The following MGMT variants were observed in gnomAD, a reference collection of about 807,000 sequenced individuals.
MGMT encodes the protein methylated-DNA--protein-cysteine methyltransferase.
MGMT carries 14 observed loss-of-function variants against 15.9 expected under a neutral mutation model. The ratio of observed to expected loss-of-function variants is 0.88; its 90% CI spans 0.58 to 1.37. MGMT has a LOEUF of 1.37. Ranked by LOEUF, MGMT falls within the 40% of genes most tolerant of loss-of-function variation. MGMT has a pLI of 0.00. For synonymous variants in MGMT, 130 were observed against 118.2 expected (o/e 1.10, Z -0.65); for missense variants, 282 against 268.1 (o/e 1.05, Z -0.36).
intron 1 of MGMT, among the ~76,000 whole-genome samples, chr10:129,513,262 G>C (rs551401546): frequency 1.3e-5 from 2 of 152,254 alleles, no homozygotes; most frequent in Middle Eastern, 3.4e-3. Context: ...TGTTAAATGG[G>C]GACATAGCTT....
chr10:129,616,895 G>T (rs878995190), intron 2 of MGMT, among the ~76,000 whole-genome samples: 1 of 152,098 alleles, frequency 6.6e-6, no homozygotes, highest in African/African-American at 2.4e-5. Context: ...ATGGTCACTC[G>T]CTTGACGAGC....
At chr10:129,723,889 G>C (rs940482271) in intron 3 of MGMT, among the ~76,000 whole-genome samples, 1 of 152,200 alleles carries the variant, frequency 6.6e-6, no homozygotes, top group Admixed American at 6.5e-5. Context: ...GTGTCGCAGA[G>C]ACTGCCGCAG....
intron 2 of MGMT, among the ~76,000 whole-genome samples, chr10:129,642,155 C>T (rs762563047): frequency 3.9e-5 from 6 of 151,966 alleles, no homozygotes; most frequent in Non-Finnish European, 8.8e-5. Context: ...CAGAGTTGTG[C>T]GTTGAAAAGT....
chr10:129,738,770 T>C (rs1848595844), intron 3 of MGMT, among the ~76,000 whole-genome samples: 1 of 152,092 alleles, frequency 6.6e-6, no homozygotes, highest in Non-Finnish European at 1.5e-5. Context: ...TTCCAATGAA[T>C]AGAAAAAGAG....
intron 2 of MGMT, among the ~76,000 whole-genome samples, chr10:129,633,857 T>A (rs936597234): frequency 2.0e-5 from 3 of 152,242 alleles, no homozygotes; most frequent in Non-Finnish European, 4.4e-5. Flanking sequence ...TATATTAGTC[T>A]CTGTCTCAGT....
intron 1 of MGMT, among the ~76,000 whole-genome samples, chr10:129,525,872 CAGGGCT>C (rs1315271536): frequency 6.6e-6 from 1 of 152,150 alleles, no homozygotes; most frequent in African/African-American, 2.4e-5. Context: ...TCCCTTTTTC[CAGGGCT>C]CCCGTGTTAG....
rs988780429 is a variant in MGMT at position 129,622,809 on chromosome 10, T to G, written c.126-85086T>G. 4.6e-5 allele frequency among the ~76,000 whole-genome samples: 7 copies of G among 151,414 alleles called. 1 individual carries two copies. Among genetic ancestry groups the G allele is most frequent in the African/African-American group, 1.7e-4 (7 of 41,190 alleles). On this transcript the variant is annotated intron_variant, in intron 2 of 4. Coordinates refer to ENST00000651593, the MANE Select transcript of MGMT (RefSeq NM_002412.5). Reference sequence around the variant, plus strand: ...ATGGCCTGTAAAAAAAAAAAGAAAGTATTTAGAGTTAGTGAGTTGAGGGGC... The same window carrying G: ...ATGGCCTGTAAAAAAAAAAAGAAAGGATTTAGAGTTAGTGAGTTGAGGGGC...
intron 2 of MGMT, among the ~76,000 whole-genome samples, chr10:129,669,733 C>T (rs1847700674): frequency 6.6e-6 from 1 of 152,076 alleles, no homozygotes; most frequent in South Asian, 2.1e-4. Flanking sequence ...GAAATTATAT[C>T]CACTGTAAAT....
At chr10:129,506,234 T>C (rs982876670) in intron 1 of MGMT, among the ~76,000 whole-genome samples, 9 of 152,108 alleles carry the variant, frequency 5.9e-5, no homozygotes, top group African/African-American at 2.2e-4. Context: ...ATGTCGGTAC[T>C]GTCGTGGTTG....
Position 129,770,858 on chromosome 10 carries a change from C to T in MGMT, c.*3861C>T, listed in dbSNP as rs1848992289. 7.2e-6 allele frequency among the ~76,000 whole-genome samples: 1 copy of T among 138,226 alleles called. No individual in the cohort carries two copies. The highest frequency in any genetic ancestry group is 2.8e-5 in the African/African-American group (1 of 35,580). The allele number at this position is 138,226 out of a possible 152,430, so 90.7% of individuals were successfully genotyped here. A position where few individuals can be genotyped will look rare whatever the true frequency, so the allele number is the denominator to read the frequency against. On this transcript the variant is annotated 3_prime_UTR_variant, in exon 5 of 5. Coordinates refer to ENST00000651593, the MANE Select transcript of MGMT (RefSeq NM_002412.5). Reference sequence around the variant, plus strand: ...ATCGGGGCAGTGGAGTCCCCGGAAACAGTCCAAGGCCCTGGGGTGGGGGAT... The same window carrying T: ...ATCGGGGCAGTGGAGTCCCCGGAAATAGTCCAAGGCCCTGGGGTGGGGGAT...
chr10:129,484,289 G>A (rs1054363260), intron 1 of MGMT, among the ~76,000 whole-genome samples: 5 of 152,166 alleles, frequency 3.3e-5, no homozygotes, highest in Admixed American at 1.3e-4. Context: ...GTCTCCCTGA[G>A]CCCTGCTCAT....
intron 1 of MGMT, among the ~76,000 whole-genome samples, chr10:129,473,604 A>T (rs549491872): frequency 1.3e-5 from 2 of 152,342 alleles, no homozygotes; most frequent in East Asian, 1.9e-4. Context: ...TGGCTTTGCA[A>T]CGATGAGCCT....
At chr10:129,545,774 A>C (rs1414283023) in intron 2 of MGMT, among the ~76,000 whole-genome samples, 1 of 152,226 alleles carries the variant, frequency 6.6e-6, no homozygotes, top group Non-Finnish European at 1.5e-5. Flanking sequence ...AACTGGCTGC[A>C]ACTAATGAAT....
chr10:129,627,310 C>G (rs890734434), intron 2 of MGMT, among the ~76,000 whole-genome samples: 2 of 152,064 alleles, frequency 1.3e-5, no homozygotes, highest in Non-Finnish European at 2.9e-5. Flanking sequence ...AGCTGGGATT[C>G]CCCAGGGAGA....
At chr10:129,565,874 C>A (rs1846348744) in intron 2 of MGMT, among the ~76,000 whole-genome samples, 1 of 152,092 alleles carries the variant, frequency 6.6e-6, no homozygotes, top group African/African-American at 2.4e-5. Context: ...CCTGAGTTTC[C>A]AGAGGTCCTG....
intron 3 of MGMT, among the ~76,000 whole-genome samples, chr10:129,716,777 T>G (rs1848303577): frequency 6.6e-6 from 1 of 152,176 alleles, no homozygotes; most frequent in African/African-American, 2.4e-5. Flanking sequence ...ATGACAAATG[T>G]AAAACAGCAC....
intron 2 of MGMT, among the ~76,000 whole-genome samples, chr10:129,543,295 G>A (rs181625098): frequency 6.6e-6 from 1 of 152,246 alleles, no homozygotes; most frequent in African/African-American, 2.4e-5. Context: ...GATAGGAGAC[G>A]GGCTCTGCAG....
rs1284434289 is a variant in MGMT at position 129,659,366 on chromosome 10, A to T, written c.126-48529A>T. Among the ~76,000 whole-genome samples the T allele has an allele frequency of 6.6e-6, 1 of 151,874 alleles. No homozygotes were observed. Among genetic ancestry groups the T allele is most frequent in the Non-Finnish European group, 1.5e-5 (1 of 67,986 alleles). On this transcript the variant is annotated intron_variant, in intron 2 of 4. Coordinates refer to ENST00000651593, the MANE Select transcript of MGMT (RefSeq NM_002412.5). This position sits in a 1 kb window ranked among gnomAD's most constrained non-coding sequence, Gnocchi z 4.1. Reference sequence around the variant, plus strand: ...AGCGAGACTCCCTGTGTGGAAAAAAAAAAAAAAGATACTCAGATGTAGCTG... The same window carrying T: ...AGCGAGACTCCCTGTGTGGAAAAAATAAAAAAAGATACTCAGATGTAGCTG...
chr10:129,524,819 T>C (rs996328868), intron 1 of MGMT, among the ~76,000 whole-genome samples: 1 of 151,690 alleles, frequency 6.6e-6, no homozygotes, highest in Non-Finnish European at 1.5e-5. Flanking sequence ...CTGGATCTCC[T>C]GACCTCGTGA....
Sources: allele counts gnomAD v4.1 joint callset (sites outside exome capture counted in the v4.1 genomes callset), GRCh38; gene constraint gnomAD v4.1.1; non-coding constraint Gnocchi (gnomAD v3.1); transcripts MANE v1.5; gene names NCBI Gene and HGNC (gene_info 2026-07-23, HGNC 2026-07-21).